RUFY1: variants seen among roughly 807,000 people sequenced by gnomAD.
RUFY1 encodes RUN and FYVE domain containing 1.
A neutral mutation model predicts 94.6 loss-of-function variants in RUFY1; 54 were observed. The ratio of observed to expected loss-of-function variants is 0.57; its 90% CI spans 0.46 to 0.72. The LOEUF (loss-of-function observed/expected upper bound fraction) is 0.72. Among genes scored for constraint, RUFY1 ranks in the 30% least tolerant of loss-of-function variants. RUFY1 has a pLI of 0.00. For synonymous variants in RUFY1, 396 were observed against 347.3 expected, an observed-to-expected ratio of 1.14 and a Z score of -1.56; for missense variants, 883 against 883.9, an observed-to-expected ratio of 1.00 and a Z score of 0.01.
chr5:179,585,760 A>G (rs772996081), intron 7 of RUFY1, 36 bp from the exon 8 acceptor site: 2 of 1,454,946 alleles, frequency 1.4e-6, no homozygotes, highest in South Asian at 1.2e-5. Context: ...CAGCTTGTAT[A>G]AGTTTATGTT....
rs1479830458 is a variant in RUFY1, at chr5:179,550,891, C to T, written c.310+12C>T. The stretch of plus-strand genomic sequence containing the variant: ...CACGGCGCGCGCAGGTAGGCTCGGG[C>T]CGGGTCTGTCCCGCGGCGGACTCGC... On this transcript the variant is annotated intron_variant, in intron 1 of 17. Coordinates refer to ENST00000319449, the MANE Select transcript of RUFY1 (RefSeq NM_025158.5). 4 of 1,134,142 alleles carry T rather than the reference C, an allele frequency of 3.5e-6. No individual in the cohort carries two copies. The highest frequency in any genetic ancestry group is 3.3e-5 in the African/African-American group (2 of 60,554). The allele number at this position is 1,134,142 out of a possible 1,614,324, so 70.3% of individuals were successfully genotyped here.
intron 14 of RUFY1, chr5:179,599,207 G>GT: frequency 5.7e-6 from 1 of 175,860 alleles, no homozygotes; most frequent in Non-Finnish European, 1.2e-5. Context: ...CAGGCGGCAG[G>GT]CAGGAGGAAG....
At chr5:179,567,192 C>T (rs956039433) in intron 3 of RUFY1, among the ~76,000 whole-genome samples, 3 of 152,226 alleles carry the variant, frequency 2.0e-5, no homozygotes, top group Admixed American at 6.5e-5. Context: ...TTACACAAAT[C>T]TAACCTGATA....
chr5:179,601,202 T>C (rs1317855261), intron 14 of RUFY1, among the ~76,000 whole-genome samples: 1 of 151,968 alleles, frequency 6.6e-6, no homozygotes, highest in Non-Finnish European at 1.5e-5. Context: ...GGAGTCTTGC[T>C]CTGTCGCCCA....
At chr5:179,560,981 C>G (rs915145594) in intron 2 of RUFY1, among the ~76,000 whole-genome samples, 2 of 152,054 alleles carry the variant, frequency 1.3e-5, no homozygotes, top group Non-Finnish European at 2.9e-5. Context: ...GAGGCCGAGA[C>G]GGAAGGATCG....
intron 1 of RUFY1, among the ~76,000 whole-genome samples, chr5:179,553,471 T>C (rs1215605307): frequency 6.6e-6 from 1 of 152,156 alleles, no homozygotes; most frequent in Non-Finnish European, 1.5e-5. Flanking sequence ...AAAATGTCTA[T>C]ATATATATCC....
At chr5:179,580,919 T>G in intron 6 of RUFY1, 28 bp from the exon 7 acceptor site, 1 of 1,387,938 alleles carries the variant, frequency 7.2e-7, no homozygotes, top group Non-Finnish European at 1.0e-6. Context: ...TAAAAAAAAG[T>G]TCTTCCTTCT....
At position 179,609,456 on chromosome 5, in the gene RUFY1, G is replaced by C. The variant is rs11541392; in HGVS notation, c.2064G>C (p.Pro688=). Residue 688 remains proline, a synonymous_variant, in exon 18 of 18, where the codon CCG becomes CCC. Coordinates refer to ENST00000319449, the MANE Select transcript of RUFY1 (RefSeq NM_025158.5). ...NELALPSYPK[P]VRVCDSCHTL... ...TGGCCCTGCCCTCCTACCCCAAGCC[G>C]GTGCGAGTGTGCGACAGCTGCCACA... 140,730 of 1,612,146 alleles carry C rather than the reference G, an allele frequency of 0.087. 6,597 individuals are homozygous for C. The highest frequency in any genetic ancestry group is 0.12 in the South Asian group (11,064 of 91,046).
At chr5:179,557,258 G>A (rs1363968682) in intron 1 of RUFY1, among the ~76,000 whole-genome samples, 3 of 151,962 alleles carry the variant, frequency 2.0e-5, no homozygotes, top group African/African-American at 4.8e-5. Flanking sequence ...GTAAAACCCC[G>A]TCTCTACTAA....
At chr5:179,602,989 C>T (rs887768500) in intron 15 of RUFY1, among the ~76,000 whole-genome samples, 6 of 152,140 alleles carry the variant, frequency 3.9e-5, no homozygotes, top group Non-Finnish European at 8.8e-5. Context: ...GAAAATAGGC[C>T]GGGTGCGGTG....
At chr5:179,586,320 T>C (rs762774796) in intron 8 of RUFY1, 10 of 457,802 alleles carry the variant, frequency 2.2e-5, no homozygotes, top group Non-Finnish European at 3.9e-5. Flanking sequence ...CTTTCTCTGC[T>C]TTCTCACTAG....
chr5:179,550,876 G>A lies in RUFY1; in HGVS notation c.307G>A (p.Ala103Thr). 6.9e-6 allele frequency: 8 copies of A among 1,166,596 alleles called. No individual in the cohort carries two copies. Among genetic ancestry groups the A allele is most frequent in the Non-Finnish European group, 8.4e-6 (8 of 948,886 alleles). 72.3% of individuals were successfully genotyped at this position (1,166,596 alleles called of 1,614,324 possible). ...GGACAGCGGGGACGGCACGGCGCGC[G>A]CAGGTAGGCTCGGGCCGGGTCTGTC... ...GGDSGDGTARAASKCQMMEER... is the reference protein window; with the variant it reads ...GGDSGDGTARTASKCQMMEER... The change falls in exon 1 of 18, where the codon GCA becomes ACA. Residue 103 changes from alanine (A) to threonine (T), a missense_variant. Coordinates refer to ENST00000319449, the MANE Select transcript of RUFY1 (RefSeq NM_025158.5).
At position 179,609,403 on chromosome 5, in the gene RUFY1, T is replaced by A. The variant is rs1413305930; in HGVS notation, c.2011T>A (p.Phe671Ile). 1 of 1,613,468 alleles carries A rather than the reference T, an allele frequency of 6.2e-7. No individual in the cohort carries two copies. Among genetic ancestry groups the A allele is most frequent in the Non-Finnish European group, 8.5e-7 (1 of 1,179,962 alleles). The part of the protein sequence containing the change: ...KHHCRNCGHI[F>I]CNTCSSNELA... ...CCACTGCCGGAACTGTGGCCACATC[T>A]TCTGCAACACCTGCTCCAGCAACGA... The change falls in exon 18 of 18, where the codon TTC becomes ATC. Residue 671 changes from phenylalanine (F) to isoleucine (I), a missense_variant. Transcript: ENST00000319449.
At chr5:179,590,541 G>A (rs979244268) in intron 9 of RUFY1, among the ~76,000 whole-genome samples, 16 of 151,664 alleles carry the variant, frequency 1.1e-4, no homozygotes, top group Non-Finnish European at 1.8e-4. Context: ...CTGGAGTGCA[G>A]TGGCGTGATC....
intron 14 of RUFY1, 88 bp from the exon 15 acceptor site, chr5:179,601,804 C>CA: frequency 1.0e-6 from 1 of 982,430 alleles, no homozygotes; most frequent in Non-Finnish European, 1.5e-6. Flanking sequence ...GGCAACAGAG[C>CA]AAGACCCTGT....
chr5:179,568,208 G>A (rs949940978), intron 4 of RUFY1, among the ~76,000 whole-genome samples: 3 of 151,710 alleles, frequency 2.0e-5, no homozygotes, highest in Non-Finnish European at 4.4e-5. Flanking sequence ...TCACACCACT[G>A]TACCTCCAGC....
At chr5:179,558,504 G>A (rs1353905870) in intron 1 of RUFY1, among the ~76,000 whole-genome samples, 5 of 151,322 alleles carry the variant, frequency 3.3e-5, no homozygotes, top group African/African-American at 1.2e-4. Flanking sequence ...CTCAGGAGGC[G>A]AAGGTTGCAG....
At position 179,562,598 on chromosome 5, in the gene RUFY1, T is replaced by C. The variant is rs755382177; in HGVS notation, c.536T>C (p.Leu179Pro). 1 of 1,612,482 alleles carries C rather than the reference T, an allele frequency of 6.2e-7. No homozygotes were observed. The highest frequency in any genetic ancestry group is 8.5e-7 in the Non-Finnish European group (1 of 1,178,508). Residue 179 changes from leucine to proline, a missense_variant, in exon 3 of 18, where the codon CTG (leucine) becomes CCG (proline). Transcript: ENST00000319449. ...QNKSFFGPLE[L>P]VEKLCPEASD... Reference sequence around the variant, plus strand: ...AAATCATTCTTTGGTCCTTTGGAGCTGGTGGAGAAACTTTGTCCAGAAGCA... The same window carrying C: ...AAATCATTCTTTGGTCCTTTGGAGCCGGTGGAGAAACTTTGTCCAGAAGCA...
intron 13 of RUFY1, 50 bp downstream of exon 13, chr5:179,596,731 G>A (rs770670321): frequency 2.5e-5 from 35 of 1,395,302 alleles, no homozygotes; most frequent in Non-Finnish European, 3.2e-5. Context: ...AGGAGGGACT[G>A]GGAAGAACTG....
Sources: gnomAD v4.1 joint callset for allele counts (sites outside exome capture counted in the v4.1 genomes callset) on GRCh38, gnomAD v4.1.1 for gene constraint, MANE v1.5 for transcripts, NCBI Gene and HGNC (gene_info 2026-07-23, HGNC 2026-07-21) for gene names.